The following TMC7 variants were observed in gnomAD, a reference collection of about 807,000 sequenced individuals.
TMC7 encodes the protein transmembrane channel-like protein 7.
TMC7 carries 54 observed loss-of-function variants against 82.9 expected under a neutral mutation model. The observed-to-expected ratio is 0.65, with a 90% confidence interval of 0.52 to 0.82. TMC7 has a LOEUF of 0.82. Among genes scored for constraint, TMC7 ranks in the 40% least tolerant of loss-of-function variants. The pLI is 0.00. For synonymous variants in TMC7, 350 were observed against 337.9 expected (o/e 1.04, Z -0.39); for missense variants, 820 against 901.2 (o/e 0.91, Z 1.15).
chr16:19,039,126 T>C (rs1275780235), intron 8 of TMC7, among the ~76,000 whole-genome samples: 2 of 147,318 alleles, frequency 1.4e-5, no homozygotes, highest in Non-Finnish European at 3.0e-5. Context: ...AGTCTCACTC[T>C]GTCACCCAGG....
chr16:19,010,878 A>G (rs1959295386), intron 2 of TMC7, among the ~76,000 whole-genome samples: 1 of 152,118 alleles, frequency 6.6e-6, no homozygotes, highest in Non-Finnish European at 1.5e-5. Flanking sequence ...TTGCATGGCA[A>G]CAGCTGGAGC....
chr16:19,035,474 A>G (rs1960700783), intron 6 of TMC7, among the ~76,000 whole-genome samples: 2 of 152,170 alleles, frequency 1.3e-5, no homozygotes, highest in Non-Finnish European at 2.9e-5. Flanking sequence ...AATTGAAGCG[A>G]TTAGATGGGT....
At chr16:19,059,346 G>A in intron 14 of TMC7, 70 bp from the exon 15 acceptor site, 1 of 1,573,444 alleles carries the variant, frequency 6.4e-7, no homozygotes, top group Non-Finnish European at 8.6e-7. Context: ...GGAAAAATAT[G>A]TTGGGTTATT....
At chr16:19,059,311 T>C (rs1961902034) in intron 14 of TMC7, 105 bp from the exon 15 acceptor site, 2 of 1,529,270 alleles carry the variant, frequency 1.3e-6, no homozygotes, top group Non-Finnish European at 1.8e-6. Context: ...AGCCTTCTTT[T>C]CTAACAAGAG....
intron 12 of TMC7, 128 bp downstream of exon 12, chr16:19,047,377 A>G: frequency 1.3e-6 from 1 of 757,336 alleles, no homozygotes; most frequent in Non-Finnish European, 2.0e-6. Context: ...TTTAAAATAT[A>G]TGTTTATTCT....
chr16:19,059,735 G>C (rs1261284582), intron 15 of TMC7: 2 of 1,462,978 alleles, frequency 1.4e-6, no homozygotes. Context: ...CAGCACTTTT[G>C]GGAGGCCGAG....
chr16:19,020,049 A>C (rs1316701601), intron 3 of TMC7, among the ~76,000 whole-genome samples: 1 of 152,148 alleles, frequency 6.6e-6, no homozygotes, highest in Admixed American at 6.6e-5. Flanking sequence ...TTGGTTTTCT[A>C]TTTGCAAATC....
intron 7 of TMC7, among the ~76,000 whole-genome samples, chr16:19,036,280 C>T (rs985885616): frequency 6.6e-6 from 1 of 152,144 alleles, no homozygotes; most frequent in African/African-American, 2.4e-5. Context: ...GAGGCTGAGG[C>T]AGGCATATCA....
intron 1 of TMC7, among the ~76,000 whole-genome samples, chr16:19,004,089 A>T (rs989537027): frequency 2.6e-5 from 4 of 151,976 alleles, no homozygotes; most frequent in African/African-American, 9.6e-5. Flanking sequence ...CTCTGTGCTT[A>T]CCTCTGCAGG....
intron 11 of TMC7, among the ~76,000 whole-genome samples, chr16:19,045,856 A>C (rs902507570): frequency 6.6e-6 from 1 of 151,922 alleles, no homozygotes; most frequent in African/African-American, 2.4e-5. Context: ...TCGGGCTTCC[A>C]AAGTGCTGGG....
At chr16:19,041,753 G>A (rs909898956) in intron 9 of TMC7, among the ~76,000 whole-genome samples, 2 of 152,190 alleles carry the variant, frequency 1.3e-5, no homozygotes, top group Non-Finnish European at 2.9e-5. Context: ...GGTCTCCCCA[G>A]TGGGGTTGCA....
intron 1 of TMC7, among the ~76,000 whole-genome samples, chr16:18,997,180 C>T (rs1033811466): frequency 6.6e-6 from 1 of 152,228 alleles, no homozygotes; most frequent in Admixed American, 6.5e-5. Flanking sequence ...TCCTCCCGTC[C>T]TGGGTTTTGG....
At chr16:19,045,510 A>C in intron 11 of TMC7, 72 bp downstream of exon 11, 1 of 1,051,124 alleles carries the variant, frequency 9.5e-7, no homozygotes, top group Non-Finnish European at 1.5e-6. Flanking sequence ...CACACACACA[A>C]CTGGAGGGTC....
chr16:19,017,776 G>T (rs1567511945), intron 3 of TMC7, among the ~76,000 whole-genome samples: 1 of 149,466 alleles, frequency 6.7e-6, no homozygotes, highest in Non-Finnish European at 1.5e-5. Flanking sequence ...GTTCACGCCA[G>T]TCTCCTGCCT....
intron 3 of TMC7, among the ~76,000 whole-genome samples, chr16:19,019,622 C>A (rs1398886743): frequency 1.3e-5 from 2 of 152,132 alleles, no homozygotes; most frequent in Non-Finnish European, 2.9e-5. Context: ...CAGGGTGAGG[C>A]AGAAGCAGGG....
chr16:19,028,724 C>T (rs774992100), intron 5 of TMC7, among the ~76,000 whole-genome samples: 9 of 151,472 alleles, frequency 5.9e-5, no homozygotes, highest in Non-Finnish European at 7.4e-5. Context: ...GGTGTGATCT[C>T]GGCTCACCAC....
At chr16:19,047,782 G>A (rs1348481411) in intron 12 of TMC7, among the ~76,000 whole-genome samples, 3 of 147,952 alleles carry the variant, frequency 2.0e-5, no homozygotes, top group South Asian at 2.1e-4. Context: ...GCACGATCTC[G>A]GCTCACTGCA....
intron 14 of TMC7, among the ~76,000 whole-genome samples, chr16:19,058,432 A>AGGGCC (rs1961867005): frequency 6.6e-6 from 1 of 152,144 alleles, no homozygotes; most frequent in African/African-American, 2.4e-5. Flanking sequence ...CCAAGCTTGC[A>AGGGCC]AACACTGGGT....
chr16:18,988,028 G>A (rs12922564), intron 1 of TMC7, among the ~76,000 whole-genome samples: 44,723 of 151,984 alleles, frequency 0.29, 7,017 homozygotes, highest in Non-Finnish European at 0.36. Flanking sequence ...CTTGTTTTTA[G>A]AGACAGGGTT....
Sources: allele counts gnomAD v4.1 joint callset (sites outside exome capture counted in the v4.1 genomes callset), GRCh38; gene constraint gnomAD v4.1.1; transcripts MANE v1.5; gene names NCBI Gene and HGNC (gene_info 2026-07-23, HGNC 2026-07-21).